ZNF416: variants seen among roughly 807,000 people sequenced by gnomAD.
ZNF416 encodes the protein zinc finger protein 416.
In ZNF416, 5 loss-of-function variants were observed where a neutral mutation model predicts 10.9. That is an observed-to-expected ratio of 0.46 (90% CI 0.24 to 0.97). ZNF416 has a LOEUF of 0.97. Ranked by LOEUF, ZNF416 falls within the 50% of genes least tolerant of loss-of-function variation. The pLI is 0.19. For missense variants in ZNF416, 675 were observed against 715.0 expected, an observed-to-expected ratio of 0.94 and a Z score of 0.64; for synonymous variants, 267 against 251.8, an observed-to-expected ratio of 1.06 and a Z score of -0.57.
intron 2 of ZNF416, 79 bp downstream of exon 2, chr19:57,577,978 G>C: frequency 6.6e-7 from 1 of 1,511,630 alleles, no homozygotes; most frequent in South Asian, 1.1e-5. Context: ...AGAGTGCCAA[G>C]AGAAGAGTCC....
chr19:57,573,618 C>A lies in ZNF416; in HGVS notation c.286G>T (p.Ala96Ser), dbSNP rs769429263. ...TGAATCTTCTGGGTGGATGGACTGG[C>A]CTCTGGAGTCCTGACCTGAGGTACT... Reference protein sequence around the residue: ...EGVPQVRTPEASPSTQKIQSC... With the variant: ...EGVPQVRTPESSPSTQKIQSC... The change falls in exon 4 of 4, where the codon GCC (alanine) becomes TCC (serine). Residue 96 changes from alanine to serine, a missense_variant. Ala to Ser is a moderately conservative substitution (Grantham distance 99). Coordinates refer to ENST00000196489, the MANE Select transcript of ZNF416 (RefSeq NM_017879.3). The A allele has an allele frequency of 4.3e-6, 7 of 1,614,188 alleles. No homozygotes were observed. The highest frequency in any genetic ancestry group is 5.9e-6 in the Non-Finnish European group (7 of 1,180,040).
In ZNF416 at chr19:57,571,992, G is replaced by A; in HGVS notation, c.*127C>T. On this transcript the variant is annotated 3_prime_UTR_variant, in exon 4 of 4. Coordinates refer to ENST00000196489, the MANE Select transcript of ZNF416 (RefSeq NM_017879.3). ...GGAGTCTGACCCATCGGGAGGTCTA[G>A]AAGTATGAGGTTTAACTTTAGGCAG... 1 of 1,254,012 alleles carries A rather than the reference G, an allele frequency of 8.0e-7. No homozygotes were observed. The highest frequency in any genetic ancestry group is 1.1e-6 in the Non-Finnish European group (1 of 900,470). 77.7% of individuals were successfully genotyped at this position (1,254,012 alleles called of 1,614,324 possible).
chr19:57,575,398 T>C lies in ZNF416; in HGVS notation c.202+406A>G, dbSNP rs1978494666. Among the ~76,000 whole-genome samples the C allele has an allele frequency of 6.6e-6, 1 of 152,152 alleles. No homozygotes were observed. The highest frequency in any genetic ancestry group is 1.9e-4 in the East Asian group (1 of 5,188). On this transcript the variant is annotated intron_variant, in intron 3 of 3. Coordinates refer to ENST00000196489, the MANE Select transcript of ZNF416 (RefSeq NM_017879.3). This position sits in a 1 kb window ranked among gnomAD's most constrained non-coding sequence, Gnocchi z 4.4. ...AAGAAAATTAATATCACACAGATCC[T>C]TGAAGGAGGTTCTGGCAACCACAGC...
chr19:57,573,039 G>A lies in ZNF416; in HGVS notation c.865C>T (p.Arg289Trp), dbSNP rs754947389. 42 of 1,613,968 alleles carry A rather than the reference G, an allele frequency of 2.6e-5. 1 individual carries two copies. Among genetic ancestry groups the A allele is most frequent in the South Asian group, 2.2e-4 (20 of 91,080 alleles). ...FSQTSHLNDH[R>W]RIHTGERPYV... ...GGCCTTTCTCCAGTGTGGATTCTCC[G>A]ATGATCATTCAGATGAGAGGTTTGG... Residue 289 changes from arginine to tryptophan, a missense_variant, in exon 4 of 4, where the codon CGG (arginine) becomes TGG (tryptophan). Physicochemically the swap from Arg to Trp is moderately radical, Grantham distance 101. Transcript: ENST00000196489.
intron 1 of ZNF416, chr19:57,578,415 A>C (rs1055421788): frequency 1.5e-5 from 8 of 527,116 alleles, no homozygotes; most frequent in Non-Finnish European, 2.3e-5. Flanking sequence ...TTGAAAAGAA[A>C]GAGCCTCATT....
intron 2 of ZNF416, among the ~76,000 whole-genome samples, chr19:57,576,225 C>T (rs928738780): frequency 2.6e-5 from 4 of 152,148 alleles, no homozygotes; most frequent in African/African-American, 9.7e-5. Flanking sequence ...CAAAATTATG[C>T]CACTCACATA....
rs1215383713 is a variant in ZNF416, at chr19:57,577,129, C to T, written c.75+928G>A. On this transcript the variant is annotated intron_variant, in intron 2 of 3. Coordinates refer to ENST00000196489, the MANE Select transcript of ZNF416 (RefSeq NM_017879.3). ...AGCTATACCCCTAGGCAAGTAGTGG[C>T]CACCACCTTTTAAATGTCTCTATCC... Among the ~76,000 whole-genome samples the T allele has an allele frequency of 3.3e-5, 5 of 152,154 alleles. 1 individual carries two copies. The South Asian group carries it at 6.2e-4, about 19-fold the overall frequency.
chr19:57,576,384 T>C (rs550161357), intron 2 of ZNF416, among the ~76,000 whole-genome samples: 6 of 152,208 alleles, frequency 3.9e-5, no homozygotes, highest in African/African-American at 1.2e-4. Context: ...TTCCACCCTG[T>C]TGCCCCACAC....
At position 57,573,488 on chromosome 19, in the gene ZNF416, T is replaced by C. The variant is rs753226416; in HGVS notation, c.416A>G (p.Asp139Gly). 5 of 1,614,188 alleles carry C rather than the reference T, an allele frequency of 3.1e-6. No individual in the cohort carries two copies. Among genetic ancestry groups the C allele is most frequent in the Non-Finnish European group, 4.2e-6 (5 of 1,180,038 alleles). Reference protein sequence around the residue: ...LTGACAVFHQDQKHHSAEKPL... With the variant: ...LTGACAVFHQGQKHHSAEKPL... Reference sequence around the variant, plus strand: ...TTTCTCTGCACTATGATGCTTCTGGTCCTGGTGAAAGACCGCACATGCCCC... The same window carrying C: ...TTTCTCTGCACTATGATGCTTCTGGCCCTGGTGAAAGACCGCACATGCCCC... The change falls in exon 4 of 4, where the codon GAC becomes GGC. Residue 139 changes from aspartate to glycine, a missense_variant. Transcript: ENST00000196489.
chr19:57,572,671 C>G lies in ZNF416; in HGVS notation c.1233G>C (p.Glu411Asp). 1.2e-6 allele frequency: 2 copies of G among 1,614,162 alleles called. No individual in the cohort carries two copies. Among genetic ancestry groups the G allele is most frequent in the Non-Finnish European group, 1.7e-6 (2 of 1,180,032 alleles). Residue 411 changes from glutamate (E) to aspartate (D), a missense_variant, in exon 4 of 4, where the codon GAG (glutamate) becomes GAC (aspartate). Glu to Asp is a conservative substitution (Grantham distance 45). Transcript: ENST00000196489. This position sits in a 1 kb window ranked among gnomAD's most constrained non-coding sequence, Gnocchi z 4.5. ...QRIHTTARPYECGQCGKSFSL... is the reference protein window; with the variant it reads ...QRIHTTARPYDCGQCGKSFSL... ...TAAATGATTTCCCACACTGGCCACACTCATAAGGCCTTGCTGTAGTGTGAA... is the reference window on the plus strand; with the variant it reads ...TAAATGATTTCCCACACTGGCCACAGTCATAAGGCCTTGCTGTAGTGTGAA...
chr19:57,576,545 G>A (rs1978543214), intron 2 of ZNF416, among the ~76,000 whole-genome samples: 1 of 152,030 alleles, frequency 6.6e-6, no homozygotes, highest in Non-Finnish European at 1.5e-5. Context: ...AGGCCTCCCT[G>A]CCTGACTCTG....
rs1978418507 is a variant in ZNF416 at position 57,573,708 on chromosome 19, G to A, written c.203-7C>T. 3.7e-6 allele frequency: 6 copies of A among 1,604,910 alleles called. No individual in the cohort carries two copies. The highest frequency in any genetic ancestry group is 4.3e-6 in the Non-Finnish European group (5 of 1,173,368). On this transcript the variant is annotated splice_region_variant and splice_polypyrimidine_tract_variant and intron_variant, in intron 3 of 3. Coordinates refer to ENST00000196489, the MANE Select transcript of ZNF416 (RefSeq NM_017879.3). ...TCCATCCCATGCCAACAAACTGAAA[G>A]CAGAGAAACACTGATGAAATGCACG... is the stretch of plus-strand genomic sequence containing the variant.
chr19:57,574,556 A>G (rs1978457491), intron 3 of ZNF416, among the ~76,000 whole-genome samples: 1 of 152,340 alleles, frequency 6.6e-6, no homozygotes, highest in African/African-American at 2.4e-5. Context: ...AGGAAATGGG[A>G]AGCACCTTCA....
rs1978606744 is a variant in ZNF416 at position 57,578,056 on chromosome 19, C to A, written c.75+1G>T. On this transcript the variant is annotated splice_donor_variant, in intron 2 of 3. Transcript: ENST00000196489. LOFTEE classifies it high-confidence loss of function. The stretch of plus-strand genomic sequence containing the variant: ...GAGGGCCCGAAACACTCTCCACTCA[C>A]CTGTGTAAAGCCCATAAGTTTAGCT... 1 of 1,614,178 alleles carries A rather than the reference C, an allele frequency of 6.2e-7. No individual in the cohort carries two copies. Among genetic ancestry groups the A allele is most frequent in the Non-Finnish European group, 8.5e-7 (1 of 1,180,026 alleles).
chr19:57,578,818 G>C lies in ZNF416; in HGVS notation c.-114C>G. The C allele has an allele frequency of 9.0e-7, 1 of 1,107,506 alleles. No individual in the cohort carries two copies. The highest frequency in any genetic ancestry group is 3.2e-5 in the East Asian group (1 of 31,326). The allele number at this position is 1,107,506 out of a possible 1,614,324, so 68.6% of individuals were successfully genotyped here. On this transcript the variant is annotated 5_prime_UTR_variant, in exon 1 of 4. Coordinates refer to ENST00000196489, the MANE Select transcript of ZNF416 (RefSeq NM_017879.3). ...GCTGATGCGCAGCGGGGCGACCCCCGCTCTGTGCCGGAGGCAGCGTTTCTA... is the reference window on the plus strand; with the variant it reads ...GCTGATGCGCAGCGGGGCGACCCCCCCTCTGTGCCGGAGGCAGCGTTTCTA...
At position 57,573,256 on chromosome 19, in the gene ZNF416, C is replaced by T. The variant is rs773703061; in HGVS notation, c.648G>A (p.Lys216=). 82 of 1,614,136 alleles carry T rather than the reference C, an allele frequency of 5.1e-5. No individual in the cohort carries two copies. The highest frequency in any genetic ancestry group is 1.6e-4 in the Middle Eastern group (1 of 6,084). The change falls in exon 4 of 4, where the codon AAG becomes AAA. Residue 216 remains lysine (K), a synonymous_variant. Coordinates refer to ENST00000196489, the MANE Select transcript of ZNF416 (RefSeq NM_017879.3). ...TGGACTCTCTCCTGCATTGACTCCA[C>T]TTGTAATGACTTATTCCAACATGAA... The part of the protein sequence containing the change: ...EAFHVGISHY[K]WSQCRRESSH...
Position 57,578,063 on chromosome 19 carries a change from A to T in ZNF416, c.69T>A (p.Phe23Leu). The T allele has an allele frequency of 6.2e-7, 1 of 1,614,198 alleles. No individual in the cohort carries two copies. Among genetic ancestry groups the T allele is most frequent in the South Asian group, 1.1e-5 (1 of 91,084 alleles). Reference sequence around the variant, plus strand: ...CGAAACACTCTCCACTCACCTGTGTAAAGCCCATAAGTTTAGCTTCTGCAG... The same window carrying T: ...CGAAACACTCTCCACTCACCTGTGTTAAGCCCATAAGTTTAGCTTCTGCAG... ...PVTAEAKLMG[F>L]TQGCVTFEDV... Residue 23 changes from phenylalanine (F) to leucine (L), a missense_variant, in exon 2 of 4, where the codon TTT becomes TTA. Transcript: ENST00000196489.
chr19:57,578,033 G>A, intron 2 of ZNF416, 24 bp downstream of exon 2: 4 of 1,613,888 alleles, frequency 2.5e-6, no homozygotes, highest in Non-Finnish European at 3.4e-6. Flanking sequence ...GCATCAGTGA[G>A]GGCCCGAAAC....
intron 1 of ZNF416, 80 bp from the exon 2 acceptor site, chr19:57,578,178 CAGCCCTGGA>C: frequency 6.8e-7 from 1 of 1,468,348 alleles, no homozygotes; most frequent in African/African-American, 1.4e-5. Context: ...TTTCCCTGCG[CAGCCCTGGA>C]GCCAGGTGAC....
Sources: allele counts gnomAD v4.1 joint callset (sites outside exome capture counted in the v4.1 genomes callset), GRCh38; gene constraint gnomAD v4.1.1; non-coding constraint Gnocchi (gnomAD v3.1); transcripts MANE v1.5; gene names NCBI Gene and HGNC (gene_info 2026-07-23, HGNC 2026-07-21).